Variants in TMTC1 observed in about 807,000 individuals in gnomAD.
The protein encoded by TMTC1 is transmembrane O-mannosyltransferase targeting cadherins 1.
TMTC1 carries 73 observed loss-of-function variants against 104.8 expected under a neutral mutation model. That is an observed-to-expected ratio of 0.70 (90% CI 0.58 to 0.85). The LOEUF (loss-of-function observed/expected upper bound fraction) is 0.85. Among genes scored for constraint, TMTC1 ranks in the 40% least tolerant of loss-of-function variants. The pLI is 0.00. For synonymous variants in TMTC1, 434 were observed against 428.7 expected (o/e 1.01, Z -0.15); for missense variants, 1,035 against 1,096.1 (o/e 0.94, Z 0.79).
chr12:29,624,742 T>C (rs1055478291), intron 6 of TMTC1, among the ~76,000 whole-genome samples: 1 of 152,230 alleles, frequency 6.6e-6, no homozygotes, highest in African/African-American at 2.4e-5. Context: ...AATCAAGACA[T>C]ATTTTAAGTG....
intron 5 of TMTC1, among the ~76,000 whole-genome samples, chr12:29,637,088 ACACACAC>A (rs767145223): frequency 1.2e-3 from 171 of 145,858 alleles, no homozygotes; most frequent in South Asian, 1.3e-3. Flanking sequence ...AATGAGAAAC[ACACACAC>A]ACACACACAC....
At chr12:29,584,683 T>C (rs1006992266) in intron 7 of TMTC1, among the ~76,000 whole-genome samples, 56 of 152,050 alleles carry the variant, frequency 3.7e-4, no homozygotes, top group African/African-American at 1.3e-3. Flanking sequence ...AGTGAGAACA[T>C]GCGGTGTTTG....
intron 5 of TMTC1, among the ~76,000 whole-genome samples, chr12:29,649,337 C>A (rs929252341): frequency 1.3e-5 from 2 of 152,180 alleles, no homozygotes; most frequent in Non-Finnish European, 2.9e-5. Context: ...TTAATAAAAT[C>A]TAAATTTAGA....
chr12:29,600,516 G>A (rs1289999580), intron 7 of TMTC1, among the ~76,000 whole-genome samples: 1 of 152,116 alleles, frequency 6.6e-6, no homozygotes, highest in African/African-American at 2.4e-5. Flanking sequence ...GGAATCCAGG[G>A]CCAAAAGGAA....
intron 5 of TMTC1, among the ~76,000 whole-genome samples, chr12:29,692,900 AC>A (rs1326712789): frequency 1.4e-5 from 2 of 144,242 alleles, no homozygotes; most frequent in Non-Finnish European, 3.0e-5. Flanking sequence ...ACAAAATAAC[AC>A]GTTTTATTAT....
chr12:29,587,336 A>AT lies in TMTC1; in HGVS notation c.1251-3763dup, dbSNP rs895876660. Among the ~76,000 whole-genome samples, 5 of 148,722 alleles carry AT rather than the reference A, an allele frequency of 3.4e-5. No homozygotes were observed. In the East Asian group the frequency reaches 7.9e-4, roughly 23 times the overall value. Reference sequence around the variant, plus strand: ...TTTATTCCTCTCTCTTTTCTTCTTTATTTTTTTATTTTTTTTAGACAGGGA... The same window carrying AT: ...TTTATTCCTCTCTCTTTTCTTCTTTATTTTTTTTATTTTTTTTAGACAGGGA... On this transcript the variant is annotated intron_variant, in intron 7 of 17. Transcript: ENST00000539277.
At chr12:29,623,825 A>ATAAATAAATT (rs375861616) in intron 6 of TMTC1, among the ~76,000 whole-genome samples, 1 of 148,824 alleles carries the variant, frequency 6.7e-6, no homozygotes, top group African/African-American at 2.6e-5. Context: ...AAATAAATAA[A>ATAAATAAATT]TAAATTAAAT....
chr12:29,630,119 CATT>C (rs1938219788), intron 6 of TMTC1, among the ~76,000 whole-genome samples: 1 of 152,162 alleles, frequency 6.6e-6, no homozygotes, highest in Admixed American at 6.5e-5. Context: ...TGTTTTCTGT[CATT>C]ATAATTATGC....
intron 5 of TMTC1, among the ~76,000 whole-genome samples, chr12:29,664,890 G>C (rs1322563654): frequency 1.3e-5 from 2 of 152,118 alleles, no homozygotes; most frequent in African/African-American, 4.8e-5. Context: ...CAGAGAACAT[G>C]TCAACAACAA....
intron 10 of TMTC1, among the ~76,000 whole-genome samples, chr12:29,540,630 A>G (rs1392991267): frequency 2.6e-5 from 4 of 151,876 alleles, no homozygotes; most frequent in South Asian, 2.1e-4. Context: ...TTTTTCCCCA[A>G]TTCAGAAAAG....
At chr12:29,548,169 C>T (rs188508301) in intron 10 of TMTC1, among the ~76,000 whole-genome samples, 8 of 152,216 alleles carry the variant, frequency 5.3e-5, no homozygotes, top group Non-Finnish European at 4.4e-5. Flanking sequence ...ATTTGAAGAC[C>T]TAAGAGAGAG....
intron 5 of TMTC1, among the ~76,000 whole-genome samples, chr12:29,652,499 A>C (rs1939569181): frequency 6.6e-6 from 1 of 152,234 alleles, no homozygotes; most frequent in South Asian, 2.1e-4. Context: ...ATATATCCAG[A>C]GGTGGTAGTG....
intron 5 of TMTC1, among the ~76,000 whole-genome samples, chr12:29,668,974 A>G (rs1347807436): frequency 6.6e-6 from 1 of 152,226 alleles, no homozygotes; most frequent in Non-Finnish European, 1.5e-5. Flanking sequence ...GGACTCAGAA[A>G]TTCTAAGTGA....
At chr12:29,768,127 T>A in intron 1 of TMTC1, 52 bp from the exon 2 acceptor site, 1 of 1,339,922 alleles carries the variant, frequency 7.5e-7, no homozygotes, top group South Asian at 1.4e-5. Flanking sequence ...AAACTCAACA[T>A]AAACACAAGG....
At chr12:29,749,091 C>T (rs991974009) in intron 5 of TMTC1, among the ~76,000 whole-genome samples, 1 of 152,132 alleles carries the variant, frequency 6.6e-6, no homozygotes, top group African/African-American at 2.4e-5. Flanking sequence ...TTTACATTAG[C>T]AAACACTACA....
intron 12 of TMTC1, chr12:29,519,906 T>A (rs964876366): frequency 6.6e-6 from 1 of 152,224 alleles, no homozygotes; most frequent in East Asian, 1.9e-4. Context: ...AAAACCCCTT[T>A]AAGCATTTCA....
At chr12:29,646,619 T>C (rs1196545360) in intron 5 of TMTC1, among the ~76,000 whole-genome samples, 1 of 152,190 alleles carries the variant, frequency 6.6e-6, no homozygotes. Context: ...CTCTCCCTTT[T>C]CTTGTGACAA....
chr12:29,718,368 T>C lies in TMTC1; in HGVS notation c.938+33298A>G, dbSNP rs577717674. 2.6e-3 allele frequency among the ~76,000 whole-genome samples: 390 copies of C among 152,258 alleles called. 2 individuals are homozygous for C. The highest frequency in any genetic ancestry group is 0.01 in the South Asian group (49 of 4,828). On this transcript the variant is annotated intron_variant, in intron 5 of 17. Coordinates refer to ENST00000539277, the MANE Select transcript of TMTC1 (RefSeq NM_001193451.2). ...TAGTTTGAAAAATTTAAAGACAGAATCCAGAGCAGCCTTGATAACTGTAAA... is the reference window on the plus strand; with the variant it reads ...TAGTTTGAAAAATTTAAAGACAGAACCCAGAGCAGCCTTGATAACTGTAAA...
chr12:29,742,345 T>C (rs1942848965), intron 5 of TMTC1, among the ~76,000 whole-genome samples: 1 of 152,202 alleles, frequency 6.6e-6, no homozygotes, highest in Non-Finnish European at 1.5e-5. Context: ...TTTAAACACT[T>C]TACCAAGACT....
Sources: gnomAD v4.1 joint callset for allele counts (sites outside exome capture counted in the v4.1 genomes callset) on GRCh38, gnomAD v4.1.1 for gene constraint, MANE v1.5 for transcripts, NCBI Gene and HGNC (gene_info 2026-07-23, HGNC 2026-07-21) for gene names.